The following PDE4D variants were observed in gnomAD, a reference collection of about 807,000 sequenced individuals.
PDE4D encodes phosphodiesterase 4D.
Under a neutral mutation model 87.4 loss-of-function variants are expected in PDE4D, and 24 were observed. The ratio of observed to expected loss-of-function variants is 0.27; its 90% CI spans 0.20 to 0.39. The LOEUF is 0.39. Ranked by LOEUF, PDE4D falls within the 10% of genes least tolerant of loss-of-function variation. The pLI is 1.00. For synonymous variants in PDE4D, 384 were observed against 383.2 expected, an observed-to-expected ratio of 1.00 and a Z score of -0.02; for missense variants, 714 against 1,041.0, an observed-to-expected ratio of 0.69 and a Z score of 4.32.
At chr5:59,639,328 A>C (rs749447859) in intron 1 of PDE4D, among the ~76,000 whole-genome samples, 2 of 152,198 alleles carry the variant, frequency 1.3e-5, no homozygotes, top group African/African-American at 2.4e-5. Flanking sequence ...CCTACAAAGA[A>C]GAGAAAATCT....
chr5:59,386,459 G>A (rs896775434), intron 1 of PDE4D, among the ~76,000 whole-genome samples: 7 of 152,028 alleles, frequency 4.6e-5, no homozygotes, highest in Non-Finnish European at 8.8e-5. Flanking sequence ...GAGAGCATTT[G>A]CAGAGTAATT....
chr5:59,765,498 T>C (rs1762676295), intron 1 of PDE4D, among the ~76,000 whole-genome samples: 1 of 152,200 alleles, frequency 6.6e-6, no homozygotes, highest in Non-Finnish European at 1.5e-5. Flanking sequence ...AACAGAGCTA[T>C]GTTTCCCAGC....
chr5:59,290,607 T>C (rs1767832547), intron 1 of PDE4D, among the ~76,000 whole-genome samples: 1 of 152,024 alleles, frequency 6.6e-6, no homozygotes, highest in Non-Finnish European at 1.5e-5. Context: ...ATTAAAAAGC[T>C]TCTGCACAGC....
intron 1 of PDE4D, among the ~76,000 whole-genome samples, chr5:59,437,014 G>A (rs937087515): frequency 2.6e-5 from 4 of 152,106 alleles, no homozygotes; most frequent in South Asian, 4.1e-4. Flanking sequence ...AACAGGTACC[G>A]GAAATTATGC....
At chr5:60,260,518 C>G (rs1199843804) in intron 1 of PDE4D, among the ~76,000 whole-genome samples, 2 of 151,982 alleles carry the variant, frequency 1.3e-5, no homozygotes, top group African/African-American at 2.4e-5. Context: ...TATAAGTCAA[C>G]AACACAACAT....
intron 3 of PDE4D, among the ~76,000 whole-genome samples, chr5:59,925,179 A>AAAAAAAAAAAG (rs1755116833): frequency 2.6e-5 from 4 of 151,482 alleles, no homozygotes; most frequent in African/African-American, 7.3e-5. Context: ...CATCTCAAAA[A>AAAAAAAAAAAG]AAAAAGAAAC....
intron 1 of PDE4D, among the ~76,000 whole-genome samples, chr5:59,880,943 G>T (rs1439633997): frequency 2.6e-5 from 4 of 152,068 alleles, no homozygotes; most frequent in African/African-American, 9.7e-5. Context: ...CATGTCAACA[G>T]AAGTAATGAC....
At chr5:59,444,678 G>A (rs1380844332) in intron 1 of PDE4D, among the ~76,000 whole-genome samples, 5 of 152,116 alleles carry the variant, frequency 3.3e-5, no homozygotes, top group Admixed American at 2.0e-4. Context: ...CGGGCGTGAT[G>A]TCAGGTGCCT....
rs1751217482 is a variant in PDE4D, at chr5:59,893,192, G to A, written c.431C>T (p.Pro144Leu). The A allele has an allele frequency of 1.3e-6, 2 of 1,566,072 alleles. No homozygotes were observed. Among genetic ancestry groups the A allele is most frequent in the Non-Finnish European group, 8.7e-7 (1 of 1,155,386 alleles). The change falls in exon 1 of 15, where the codon CCC (proline) becomes CTC (leucine). Residue 144 changes from proline (P) to leucine (L), a missense_variant. Transcript: ENST00000340635. ...PGLKKSRMSW[P>L]SSFQGLRRFD... ...CCGCCTGAGTCCCTGGAACGAGGAG[G>A]GCCAGGACATCCTGGATTTCTTCAG... is the stretch of plus-strand genomic sequence containing the variant.
At chr5:59,820,298 C>T (rs1184649703) in intron 1 of PDE4D, among the ~76,000 whole-genome samples, 1 of 152,228 alleles carries the variant, frequency 6.6e-6, no homozygotes, top group Non-Finnish European at 1.5e-5. Flanking sequence ...CAAGTGGCTG[C>T]TAAGGGCTAC....
chr5:59,054,469 AAGGT>A (rs1762046630), intron 5 of PDE4D, among the ~76,000 whole-genome samples: 1 of 152,162 alleles, frequency 6.6e-6, no homozygotes, highest in Admixed American at 6.5e-5. Flanking sequence ...TTATTTTTAA[AAGGT>A]AGAGGAGAGC....
rs1437501706 is a variant in PDE4D at position 58,975,131 on chromosome 5, A to C, written c.2014-51T>G. On this transcript the variant is annotated intron_variant, in intron 14 of 14. Coordinates refer to ENST00000340635, the MANE Select transcript of PDE4D (RefSeq NM_001104631.2). This position sits in a 1 kb window ranked among gnomAD's most constrained non-coding sequence, Gnocchi z 4.2. ...AGTAGAGGACTTGGGACTAAGAAAC[A>C]ATGGAAAAGCTTAATTAGATCATGG... The C allele has an allele frequency of 2.6e-6, 3 of 1,133,114 alleles. No individual in the cohort carries two copies. The highest frequency in any genetic ancestry group is 3.1e-5 in the African/African-American group (2 of 64,960). The allele number at this position is 1,133,114 out of a possible 1,614,324, so 70.2% of individuals were successfully genotyped here.
At chr5:59,942,063 C>T (rs993767296) in intron 3 of PDE4D, among the ~76,000 whole-genome samples, 4 of 152,248 alleles carry the variant, frequency 2.6e-5, no homozygotes, top group African/African-American at 9.6e-5. Context: ...GAAGCTCCAT[C>T]TCCCTGAACT....
intron 1 of PDE4D, among the ~76,000 whole-genome samples, chr5:59,835,134 T>C (rs1741819296): frequency 6.6e-6 from 1 of 152,048 alleles, no homozygotes; most frequent in South Asian, 2.1e-4. Context: ...TAGGTTTGAG[T>C]CCTTGATTTG....
intron 1 of PDE4D, among the ~76,000 whole-genome samples, chr5:59,792,886 A>G (rs573124585): frequency 6.6e-6 from 1 of 152,142 alleles, no homozygotes; most frequent in South Asian, 2.1e-4. Flanking sequence ...TTGGAATTGG[A>G]ATTGGAGCTG....
intron 1 of PDE4D, among the ~76,000 whole-genome samples, chr5:59,378,969 C>T (rs549261630): frequency 4.9e-5 from 5 of 102,694 alleles, no homozygotes; most frequent in African/African-American, 1.9e-4. Context: ...TGTGTGTCCA[C>T]GTGTGTGTGT....
At chr5:60,485,128 T>G (rs1329126313) in intron 1 of PDE4D, among the ~76,000 whole-genome samples, 1 of 152,178 alleles carries the variant, frequency 6.6e-6, no homozygotes, top group Non-Finnish European at 1.5e-5. Context: ...TCTACCAGTG[T>G]CTAGCTCCAC....
intron 1 of PDE4D, among the ~76,000 whole-genome samples, chr5:59,427,290 T>TATAC (rs1464099304): frequency 1.1e-5 from 1 of 87,066 alleles, no homozygotes; most frequent in Non-Finnish European, 2.3e-5. Context: ...GAAGTGATTT[T>TATAC]ATACACACAC....
At chr5:59,122,141 C>CAAAAAAAAA (rs56284898) in intron 5 of PDE4D, among the ~76,000 whole-genome samples, 10 of 71,572 alleles carry the variant, frequency 1.4e-4, no homozygotes, top group East Asian at 5.5e-4. Flanking sequence ...GACTCTATCT[C>CAAAAAAAAA]AAAAAAAAAA....
Sources: allele counts gnomAD v4.1 joint callset (sites outside exome capture counted in the v4.1 genomes callset), GRCh38; gene constraint gnomAD v4.1.1; non-coding constraint Gnocchi (gnomAD v3.1); transcripts MANE v1.5; gene names NCBI Gene and HGNC (gene_info 2026-07-23, HGNC 2026-07-21).